HTT: variants seen among roughly 807,000 people sequenced by gnomAD.
The protein encoded by HTT is huntingtin.
Under a neutral mutation model 362.3 loss-of-function variants are expected in HTT, and 104 were observed. That is an observed-to-expected ratio of 0.29 (90% CI 0.24 to 0.34). HTT has a LOEUF of 0.34. HTT is among the 10% of genes least tolerant of loss of function. The probability of loss-of-function intolerance (pLI) is 1.00; values close to 1 mark genes in which losing one functional copy is unlikely to be tolerated. For missense variants in HTT, 3,301 were observed against 3,928.6 expected (o/e 0.84, Z 4.27); for synonymous variants, 1,577 against 1,548.7 (o/e 1.02, Z -0.43).
chr4:3,193,482 G>T (rs1373816830), intron 40 of HTT, among the ~76,000 whole-genome samples: 1 of 152,226 alleles, frequency 6.6e-6, no homozygotes, highest in African/African-American at 2.4e-5. Context: ...TCTTGCCTTT[G>T]TGGGATAAGG....
chr4:3,210,807 G>C (rs181073862), intron 47 of HTT, among the ~76,000 whole-genome samples: 1 of 152,106 alleles, frequency 6.6e-6, no homozygotes. Context: ...GAGACCTTGT[G>C]GGGAGGGCAA....
intron 6 of HTT, among the ~76,000 whole-genome samples, chr4:3,108,968 A>G (rs1389738621): frequency 3.3e-5 from 5 of 152,118 alleles, no homozygotes; most frequent in Middle Eastern, 3.4e-3. Flanking sequence ...GGCTCGGTTG[A>G]GCCCAGGAGT....
Position 3,218,564 on chromosome 4 carries a change from C to T in HTT, c.7242+612C>T, listed in dbSNP as rs373551531. Among the ~76,000 whole-genome samples the T allele has an allele frequency of 1.6e-3, 245 of 151,662 alleles. 1 individual carries two copies. Among genetic ancestry groups the T allele is most frequent in the African/African-American group, 5.6e-3 (233 of 41,248 alleles). On this transcript the variant is annotated intron_variant, in intron 52 of 66. Coordinates refer to ENST00000355072, the MANE Select transcript of HTT (RefSeq NM_001388492.1). The surrounding 1 kb of genome is among the most constrained non-coding windows in gnomAD (Gnocchi z 4.4). ...AGGAGAATCGCTTGAACCCAGGAGGCGAAGGTTGCAGTAAGCCGAGATCGC... is the reference window on the plus strand; with the variant it reads ...AGGAGAATCGCTTGAACCCAGGAGGTGAAGGTTGCAGTAAGCCGAGATCGC...
At chr4:3,164,947 A>C (rs1487674884) in intron 29 of HTT, among the ~76,000 whole-genome samples, 1 of 152,146 alleles carries the variant, frequency 6.6e-6, no homozygotes, top group African/African-American at 2.4e-5. Context: ...GCTATGTGTG[A>C]ATTTGATCCT....
At position 3,139,281 on chromosome 4, in the gene HTT, A is replaced by G. The variant is rs529277237; in HGVS notation, c.2799-1229A>G. Among the ~76,000 whole-genome samples, 11 of 152,138 alleles carry G rather than the reference A, an allele frequency of 7.2e-5. No homozygotes were observed. In the South Asian group the frequency reaches 1.5e-3, roughly 20 times the overall value. ...GGTGGAATCTTGGCTCATTGCAACT[A>G]TTGCCTCCTGGGTTCAAGCGATTTT... On this transcript the variant is annotated intron_variant, in intron 21 of 66. Transcript: ENST00000355072.
intron 1 of HTT, among the ~76,000 whole-genome samples, chr4:3,082,603 T>C (rs1452588584): frequency 1.3e-5 from 2 of 152,102 alleles, no homozygotes; most frequent in South Asian, 4.1e-4. Flanking sequence ...CAAATCAGAG[T>C]CTGTGTTTTA....
chr4:3,078,152 G>C (rs1712663698), intron 1 of HTT, among the ~76,000 whole-genome samples: 1 of 152,190 alleles, frequency 6.6e-6, no homozygotes, highest in Non-Finnish European at 1.5e-5. Flanking sequence ...ACAGTAATTA[G>C]GAGGCAATTA....
intron 4 of HTT, among the ~76,000 whole-genome samples, chr4:3,104,512 G>A (rs970592289): frequency 1.6e-4 from 24 of 152,156 alleles, no homozygotes; most frequent in Middle Eastern, 3.4e-3. Context: ...GGGAGGCTGA[G>A]GTAGGGGAAT....
chr4:3,153,139 C>G (rs1716980517), intron 26 of HTT, among the ~76,000 whole-genome samples: 1 of 152,032 alleles, frequency 6.6e-6, no homozygotes, highest in Non-Finnish European at 1.5e-5. Context: ...TTGGGAAGTC[C>G]AAGATCCAGG....
At chr4:3,238,740 C>A (rs1578620678) in intron 65 of HTT, 78 bp from the exon 66 acceptor site, 3 of 1,038,406 alleles carry the variant, frequency 2.9e-6, no homozygotes, top group South Asian at 1.6e-5. Flanking sequence ...GCCCCCACCC[C>A]ACCCCCGCCA....
intron 60 of HTT, among the ~76,000 whole-genome samples, chr4:3,232,117 A>G (rs887031): frequency 0.98 from 148,984 of 152,228 alleles, 72,989 homozygotes; most frequent in East Asian, 1. Flanking sequence ...CTGGGGCCGT[A>G]CGCAGTCCTT....
chr4:3,239,115 A>G, intron 66 of HTT, 137 bp downstream of exon 66: 1 of 915,298 alleles, frequency 1.1e-6, no homozygotes, highest in Non-Finnish European at 1.6e-6. Context: ...AGCCCCAGGG[A>G]AGTAAAATGC....
rs1167781976 is a variant in HTT at position 3,240,411 on chromosome 4, T to TGCAG, written c.*355_*358dup. On this transcript the variant is annotated 3_prime_UTR_variant, in exon 67 of 67. Coordinates refer to ENST00000355072, the MANE Select transcript of HTT (RefSeq NM_001388492.1). ...CATCTGGGCCAGAAGTCCTCCCTCCTGCAGGCTGGCTGTTGGCCCCTCTGC... is the reference window on the plus strand; with the variant it reads ...CATCTGGGCCAGAAGTCCTCCCTCCTGCAGGCAGGCTGGCTGTTGGCCCCTCTGC... 2.9e-6 allele frequency: 1 copy of TGCAG among 339,628 alleles called. No individual in the cohort carries two copies. Among genetic ancestry groups the TGCAG allele is most frequent in the East Asian group, 7.3e-5 (1 of 13,630 alleles). The allele number at this position is 339,628 out of a possible 1,614,324, so 21.0% of individuals were successfully genotyped here. A position where few individuals can be genotyped will look rare whatever the true frequency, so the allele number is the denominator to read the frequency against.
intron 26 of HTT, among the ~76,000 whole-genome samples, chr4:3,151,287 G>T (rs186593146): frequency 1.3e-5 from 2 of 152,110 alleles, no homozygotes; most frequent in Admixed American, 6.5e-5. Context: ...GAAACTTGCA[G>T]TCATGGCAGA....
In HTT at chr4:3,074,986, C is replaced by T. The variant is rs1314330024; in HGVS notation, c.161C>T (p.Pro54Leu). ...PPPPPPQLPQ[P>L]PPQAQPLLPQ... ...CCGCCGCCTCCTCAGCTTCCTCAGC[C>T]GCCGCCGCAGGCACAGCCGCTGCTG... The change falls in exon 1 of 67, where the codon CCG (proline) becomes CTG (leucine). Residue 54 changes from proline (P) to leucine (L), a missense_variant. This residue lies in a region of HTT where 2,316 missense variants were observed against 2,658.5 expected (regional missense o/e 0.87). Transcript: ENST00000355072. 2 of 1,411,094 alleles carry T rather than the reference C, an allele frequency of 1.4e-6. No individual in the cohort carries two copies. The highest frequency in any genetic ancestry group is 1.5e-5 in the African/African-American group (1 of 65,308). 87.4% of individuals were successfully genotyped at this position (1,411,094 alleles called of 1,614,324 possible). A position where few individuals can be genotyped will look rare whatever the true frequency, so the allele number is the denominator to read the frequency against.
At chr4:3,226,522 T>C (rs377567916) in intron 57 of HTT, among the ~76,000 whole-genome samples, 38 of 152,350 alleles carry the variant, frequency 2.5e-4, no homozygotes, top group African/African-American at 8.7e-4. Context: ...TGATGGCACA[T>C]GGCGTGGAGC....
intron 18 of HTT, among the ~76,000 whole-genome samples, chr4:3,133,877 A>G (rs181853621): frequency 2.2e-4 from 34 of 152,216 alleles, no homozygotes; most frequent in Admixed American, 4.6e-4. Flanking sequence ...TAAGAGCTCA[A>G]TCTTGTGGCT....
At position 3,130,015 on chromosome 4, in the gene HTT, A is replaced by G. The variant is rs776553904; in HGVS notation, c.1835A>G (p.Glu612Gly). ...DEEATGILPDEASEAFRNSSM... is the reference protein window; with the variant it reads ...DEEATGILPDGASEAFRNSSM... ...GAAGCCACAGGTATTCTTCCTGATG[A>G]AGCCTCGGAGGCCTTCAGGAACTCT... Residue 612 changes from glutamate to glycine, a missense_variant, in exon 13 of 67, where the codon GAA (glutamate) becomes GGA (glycine). Glu to Gly is a moderately conservative substitution (Grantham distance 98, BLOSUM62 -2). Around this residue, in one of 4 missense-constraint regions of HTT, gnomAD observed 2,316 missense variants for 2,658.5 expected, o/e 0.87. Coordinates refer to ENST00000355072, the MANE Select transcript of HTT (RefSeq NM_001388492.1). 1 of 1,613,322 alleles carries G rather than the reference A, an allele frequency of 6.2e-7. No individual in the cohort carries two copies. Among genetic ancestry groups the G allele is most frequent in the South Asian group, 1.1e-5 (1 of 90,932 alleles).
rs77927081 is a variant in HTT at position 3,082,096 on chromosome 4, G to C, written c.264-4843G>C. On this transcript the variant is annotated intron_variant, in intron 1 of 66. Coordinates refer to ENST00000355072, the MANE Select transcript of HTT (RefSeq NM_001388492.1). ...TAAATGTGTCATTTTTTGTTTGCTT[G>C]ACTGAGATCACATTACATATGTATT... Among the ~76,000 whole-genome samples the C allele has an allele frequency of 7.9e-3, 1,200 of 151,320 alleles. 3 individuals are homozygous for C. The highest frequency in any genetic ancestry group is 0.012 in the Non-Finnish European group (834 of 67,982).
Sources: allele counts gnomAD v4.1 joint callset (sites outside exome capture counted in the v4.1 genomes callset), GRCh38; gene constraint gnomAD v4.1.1; regional missense constraint gnomAD v4.1.1; non-coding constraint Gnocchi (gnomAD v3.1); transcripts MANE v1.5; gene names NCBI Gene and HGNC (gene_info 2026-07-23, HGNC 2026-07-21).